The following AUTS2 variants were observed in gnomAD, a reference collection of about 807,000 sequenced individuals.
AUTS2 encodes activator of transcription and developmental regulator AUTS2, also known as autism susceptibility gene 2 protein.
In AUTS2, 17 loss-of-function variants were observed where a neutral mutation model predicts 112.4. The observed-to-expected ratio is 0.15, with a 90% CI of 0.10 to 0.23. The LOEUF (loss-of-function observed/expected upper bound fraction) is 0.23. Ranked by LOEUF, AUTS2 falls within the 10% of genes least tolerant of loss-of-function variation. The pLI is 1.00. For missense variants in AUTS2, 1,510 were observed against 1,701.6 expected (o/e 0.89, Z 1.98); for synonymous variants, 751 against 702.7 (o/e 1.07, Z -1.09).
chr7:69,742,141 G>T, intron 1 of AUTS2, among the ~76,000 whole-genome samples: 1 of 149,774 alleles, frequency 6.7e-6, no homozygotes, highest in African/African-American at 2.5e-5. Context: ...GAGGGGGGAG[G>T]GCAGATGGTC....
intron 16 of AUTS2, chr7:70,785,574 C>A (rs1456167942): frequency 2.2e-6 from 1 of 449,504 alleles, no homozygotes; most frequent in African/African-American, 2.0e-5. Flanking sequence ...CATAGGCACG[C>A]CCTCAGAGTT....
intron 5 of AUTS2, among the ~76,000 whole-genome samples, chr7:70,659,833 G>A (rs1230113449): frequency 6.6e-6 from 1 of 152,190 alleles, no homozygotes; most frequent in South Asian, 2.1e-4. Flanking sequence ...CAAGTGGCAG[G>A]AGAGAGTGCA....
chr7:69,757,727 G>T (rs149889261), intron 1 of AUTS2, among the ~76,000 whole-genome samples: 1 of 151,894 alleles, frequency 6.6e-6, no homozygotes. Flanking sequence ...TTCTTTTACC[G>T]CCCCCTGCTT....
At position 70,789,861 on chromosome 7, in the gene AUTS2, C is replaced by T. The variant is rs562632912; in HGVS notation, c.2645C>T (p.Thr882Ile). Residue 882 changes from threonine (T) to isoleucine (I), a missense_variant, in exon 19 of 19, where the codon ACT (threonine) becomes ATT (isoleucine). Physicochemically the swap from Thr to Ile is moderately conservative, Grantham distance 89. Coordinates refer to ENST00000342771, the MANE Select transcript of AUTS2 (RefSeq NM_015570.4). ...GAACAGATCCGGGCTCATCTGAACACTGAGGCTCGGGAGAAGGACAAACCC... is the reference window on the plus strand; with the variant it reads ...GAACAGATCCGGGCTCATCTGAACATTGAGGCTCGGGAGAAGGACAAACCC... ...STEQIRAHLNTEAREKDKPKE... is the reference protein window; with the variant it reads ...STEQIRAHLNIEAREKDKPKE... 1 of 1,614,188 alleles carries T rather than the reference C, an allele frequency of 6.2e-7. No homozygotes were observed. The highest frequency in any genetic ancestry group is 1.1e-5 in the South Asian group (1 of 91,084).
rs545955389 is a variant in AUTS2, at chr7:69,783,470, C to T, written c.310-115816C>T. Among the ~76,000 whole-genome samples, 66 of 152,070 alleles carry T rather than the reference C, an allele frequency of 4.3e-4. 1 individual carries two copies. The Middle Eastern group carries it at 0.014, about 32-fold the overall frequency. ...CCCACTGGGATTCAGTTTCCTTGGC[C>T]GCTGCTGTTTGTTGTGCTCACACTG... On this transcript the variant is annotated intron_variant, in intron 1 of 18. Transcript: ENST00000342771.
At chr7:69,972,992 G>C (rs1797917131) in intron 2 of AUTS2, among the ~76,000 whole-genome samples, 1 of 151,782 alleles carries the variant, frequency 6.6e-6, no homozygotes, top group Non-Finnish European at 1.5e-5. Flanking sequence ...AATCTTTCCG[G>C]TGTTTTGATA....
At chr7:69,850,200 G>A (rs1792403208) in intron 1 of AUTS2, among the ~76,000 whole-genome samples, 1 of 151,668 alleles carries the variant, frequency 6.6e-6, no homozygotes, top group Non-Finnish European at 1.5e-5. Flanking sequence ...TCGGGAGGCT[G>A]AGGAAGGAGA....
intron 2 of AUTS2, among the ~76,000 whole-genome samples, chr7:69,980,610 T>C (rs940873243): frequency 6.6e-6 from 1 of 152,108 alleles, no homozygotes; most frequent in African/African-American, 2.4e-5. Context: ...AAAAAAAGTG[T>C]ACGCTTACAT....
chr7:70,321,535 C>T (rs1400231464), intron 4 of AUTS2, among the ~76,000 whole-genome samples: 1 of 152,142 alleles, frequency 6.6e-6, no homozygotes. Flanking sequence ...CTGGTTACAA[C>T]TCACTAAATT....
At chr7:69,935,259 G>T (rs1796366684) in intron 2 of AUTS2, among the ~76,000 whole-genome samples, 1 of 152,132 alleles carries the variant, frequency 6.6e-6, no homozygotes, top group Non-Finnish European at 1.5e-5. Context: ...TATTGCTTAG[G>T]AGGTGTAGAT....
chr7:69,780,374 C>T (rs894232409), intron 1 of AUTS2, among the ~76,000 whole-genome samples: 1 of 152,062 alleles, frequency 6.6e-6, no homozygotes, highest in African/African-American at 2.4e-5. Flanking sequence ...AGATTTGGTG[C>T]TTGTTAAAAT....
intron 11 of AUTS2, among the ~76,000 whole-genome samples, chr7:70,773,088 A>G (rs555920902): frequency 2.1e-4 from 32 of 152,336 alleles, no homozygotes; most frequent in African/African-American, 7.7e-4. Context: ...AGTTCTTCAT[A>G]TGTATGCAAA....
chr7:70,707,801 G>A (rs1176523523), intron 6 of AUTS2, among the ~76,000 whole-genome samples: 1 of 152,128 alleles, frequency 6.6e-6, no homozygotes, highest in Non-Finnish European at 1.5e-5. Flanking sequence ...GTGCCTTTGC[G>A]TGAACTGATC....
intron 4 of AUTS2, among the ~76,000 whole-genome samples, chr7:70,260,632 C>T (rs1787119088): frequency 6.6e-6 from 1 of 151,936 alleles, no homozygotes; most frequent in Non-Finnish European, 1.5e-5. Context: ...TAAGTTTCAA[C>T]ACGAGTTTTG....
At chr7:70,057,526 C>G (rs1802048217) in intron 2 of AUTS2, among the ~76,000 whole-genome samples, 1 of 152,208 alleles carries the variant, frequency 6.6e-6, no homozygotes, top group Non-Finnish European at 1.5e-5. Flanking sequence ...GTCACTGTTA[C>G]AGGTATTCTA....
intron 5 of AUTS2, among the ~76,000 whole-genome samples, chr7:70,483,805 G>GAAA (rs34809333): frequency 1.2e-4 from 18 of 150,604 alleles, no homozygotes; most frequent in Middle Eastern, 3.5e-3. Flanking sequence ...AAAGGAGAAA[G>GAAA]AAAAAAAAAA....
At chr7:70,786,549 T>C (rs1791491414) in intron 17 of AUTS2, among the ~76,000 whole-genome samples, 3 of 152,150 alleles carry the variant, frequency 2.0e-5, no homozygotes, top group Admixed American at 2.0e-4. Context: ...CTTTCTACTA[T>C]TAAAAAAGCC....
intron 1 of AUTS2, among the ~76,000 whole-genome samples, chr7:69,696,941 C>A (rs559857404): frequency 6.6e-6 from 1 of 152,324 alleles, no homozygotes; most frequent in South Asian, 2.1e-4. Flanking sequence ...AAACTTATTT[C>A]CAAACATCTA....
intron 1 of AUTS2, among the ~76,000 whole-genome samples, chr7:69,633,449 TTGGGTAAATGCCCAGAAGAGAGATTGC>T (rs1794365181): frequency 6.6e-6 from 1 of 152,178 alleles, no homozygotes; most frequent in Admixed American, 6.5e-5. Context: ...TTCATTTCTT[TTGGGTAAATGCCCAGAAGAGAGATTGC>T]TGGGTCATAT....
Sources: gnomAD v4.1 joint callset for allele counts (sites outside exome capture counted in the v4.1 genomes callset) on GRCh38, gnomAD v4.1.1 for gene constraint, MANE v1.5 for transcripts, NCBI Gene and HGNC (gene_info 2026-07-23, HGNC 2026-07-21) for gene names.